The following SLC20A2 variants were observed in gnomAD, a reference collection of about 807,000 sequenced individuals.
SLC20A2 encodes sodium-dependent phosphate transporter 2.
SLC20A2 carries 30 observed loss-of-function variants against 61.0 expected under a neutral mutation model. The ratio of observed to expected loss-of-function variants is 0.49; its 90% CI spans 0.37 to 0.67. SLC20A2 has a LOEUF of 0.67. Ranked by LOEUF, SLC20A2 falls within the 30% of genes least tolerant of loss-of-function variation. SLC20A2 has a pLI of 0.00. For synonymous variants in SLC20A2, 351 were observed against 353.3 expected (o/e 0.99, Z 0.07); for missense variants, 626 against 866.4 (o/e 0.72, Z 3.48).
chr8:42,452,055 G>A (rs1490089736), intron 5 of SLC20A2, among the ~76,000 whole-genome samples: 4 of 120,478 alleles, frequency 3.3e-5, no homozygotes, highest in Admixed American at 7.9e-5. Flanking sequence ...GGGAGGAAGA[G>A]ATGAAGAGGA....
At chr8:42,435,637 G>A (rs181206158) in intron 8 of SLC20A2, among the ~76,000 whole-genome samples, 40 of 152,186 alleles carry the variant, frequency 2.6e-4, no homozygotes, top group African/African-American at 9.6e-4. Context: ...GGGCAGGTGG[G>A]GTGGGTGGGG....
At position 42,474,924 on chromosome 8, in the gene SLC20A2, G is replaced by A. The variant is rs575337623; in HGVS notation, c.-264-2270C>T. Among the ~76,000 whole-genome samples the A allele has an allele frequency of 4.0e-5, 6 of 151,164 alleles. No homozygotes were observed. The East Asian group carries it at 1.2e-3, about 30-fold the overall frequency. On this transcript the variant is annotated intron_variant, in intron 1 of 10. Transcript: ENST00000520262. ...GACGGCCAGAGTCACGCTGGGCCTG[G>A]TGTGGGGGGTGGGGGGGACACTCAT...
chr8:42,451,828 TGAG>T (rs377739020), intron 5 of SLC20A2, among the ~76,000 whole-genome samples: 14 of 70,916 alleles, frequency 2.0e-4, no homozygotes, highest in South Asian at 4.4e-4. Flanking sequence ...AAGGAAGAGA[TGAG>T]GAGGAGAAGG....
At chr8:42,436,674 T>C (rs1037526651) in intron 8 of SLC20A2, among the ~76,000 whole-genome samples, 1 of 152,194 alleles carries the variant, frequency 6.6e-6, no homozygotes, top group African/African-American at 2.4e-5. Flanking sequence ...GCCTCAAGAC[T>C]GCACCTGCCG....
At chr8:42,511,096 A>G (rs1041423036) in intron 1 of SLC20A2, among the ~76,000 whole-genome samples, 8 of 152,030 alleles carry the variant, frequency 5.3e-5, no homozygotes, top group African/African-American at 1.9e-4. Flanking sequence ...ATGACAGTGG[A>G]GAGCCGCCAG....
At chr8:42,419,558 T>A (rs927441256) in intron 10 of SLC20A2, 18 of 228,660 alleles carry the variant, frequency 7.9e-5, no homozygotes, top group African/African-American at 9.4e-5. Flanking sequence ...CAAAAAAAAA[T>A]AAAATAAAAA....
chr8:42,417,941 C>G lies in SLC20A2; in HGVS notation c.1821G>C (p.Trp607Cys), dbSNP rs1563430928. 6.2e-7 allele frequency: 1 copy of G among 1,613,096 alleles called. No individual in the cohort carries two copies. The highest frequency in any genetic ancestry group is 8.5e-7 in the Non-Finnish European group (1 of 1,179,670). ...AGTCCACAGCCTTGCGGGAGCGGATCCAGCCCACGGCCACCACCGAGCCCA... is the reference window on the plus strand; with the variant it reads ...AGTCCACAGCCTTGCGGGAGCGGATGCAGCCCACGGCCACCACCGAGCCCA... ...CKVGSVVAVG[W>C]IRSRKAVDWR... is the part of the protein sequence containing the mutation. The change falls in exon 11 of 11, where the codon TGG becomes TGC. Residue 607 changes from tryptophan (W) to cysteine (C), a missense_variant. Trp to Cys is a radical substitution (Grantham distance 215). Around this residue, in one of 3 missense-constraint regions of SLC20A2, gnomAD observed 138 missense variants for 228.7 expected, o/e 0.60. Coordinates refer to ENST00000520262, the MANE Select transcript of SLC20A2 (RefSeq NM_001257180.2).
intron 1 of SLC20A2, among the ~76,000 whole-genome samples, chr8:42,531,044 C>G (rs866543000): frequency 2.0e-5 from 3 of 152,144 alleles, no homozygotes; most frequent in Non-Finnish European, 4.4e-5. Flanking sequence ...AATCAGTTCT[C>G]CTGTAATAGC....
intron 10 of SLC20A2, among the ~76,000 whole-genome samples, chr8:42,426,623 A>G (rs1803431804): frequency 6.6e-6 from 1 of 152,182 alleles, no homozygotes; most frequent in South Asian, 2.1e-4. Context: ...TGAACTCAGG[A>G]GGCAGAGGCT....
Position 42,428,758 on chromosome 8 carries a change from C to T in SLC20A2, c.1794G>A (p.Lys598=), listed in dbSNP as rs1383069033. The change falls in exon 10 of 11, where the codon AAG becomes AAA. Residue 598 remains lysine (K), a splice_region_variant and synonymous_variant. Transcript: ENST00000520262. The stretch of plus-strand genomic sequence containing the variant: ...GGGCTCCCGGCTAGCAGGGGCCTAC[C>T]TTACAGTGCGTGGTGCTGACTGGAA... ...IGLPVSTTHC[K]VGSVVAVGWI... is the part of the protein sequence containing the mutation. 1 of 1,610,936 alleles carries T rather than the reference C, an allele frequency of 6.2e-7. No individual in the cohort carries two copies.
Position 42,472,210 on chromosome 8 carries a change from A to AC in SLC20A2, c.180dup (p.Leu61ValfsTer16). On this transcript the variant is annotated frameshift_variant, in exon 2 of 11. Transcript: ENST00000520262. LOFTEE classifies it high-confidence loss of function. This position sits in a 1 kb window ranked among gnomAD's most constrained non-coding sequence, Gnocchi z 4.1. ...GTTTCTCCTACTTTGGCGCCTAGTA[A>AC]CACGGAGCCGGTGGTTTCAAATATT... 6.2e-7 allele frequency: 1 copy of AC among 1,614,184 alleles called. No individual in the cohort carries two copies. Among genetic ancestry groups the AC allele is most frequent in the Non-Finnish European group, 8.5e-7 (1 of 1,180,052 alleles).
At chr8:42,490,767 C>T (rs551449689) in intron 1 of SLC20A2, among the ~76,000 whole-genome samples, 3 of 152,276 alleles carry the variant, frequency 2.0e-5, no homozygotes, top group Non-Finnish European at 2.9e-5. Context: ...TTGCCGGGCA[C>T]GCTGCCTTCC....
intron 1 of SLC20A2, among the ~76,000 whole-genome samples, chr8:42,498,255 G>C (rs1195480279): frequency 6.6e-6 from 1 of 152,138 alleles, no homozygotes; most frequent in African/African-American, 2.4e-5. Context: ...ACTGAGAGTG[G>C]GGGGCAAGGC....
chr8:42,434,922 G>A (rs1804137333), intron 8 of SLC20A2, among the ~76,000 whole-genome samples: 1 of 152,168 alleles, frequency 6.6e-6, no homozygotes, highest in African/African-American at 2.4e-5. Context: ...GAGTGTGTGT[G>A]CGTGTGTGTG....
chr8:42,525,970 T>C (rs961546011), intron 1 of SLC20A2, among the ~76,000 whole-genome samples: 6 of 152,156 alleles, frequency 3.9e-5, no homozygotes, highest in East Asian at 1.9e-4. Flanking sequence ...ATGGAGGAGA[T>C]AGATACAGCT....
chr8:42,488,901 C>T (rs1249932088), intron 1 of SLC20A2, among the ~76,000 whole-genome samples: 2 of 140,580 alleles, frequency 1.4e-5, no homozygotes, highest in Admixed American at 7.1e-5. Flanking sequence ...AAAATCAGGT[C>T]GTTTGCTTTT....
At chr8:42,525,575 C>CT (rs1178976265) in intron 1 of SLC20A2, among the ~76,000 whole-genome samples, 1 of 102,928 alleles carries the variant, frequency 9.7e-6, no homozygotes, top group African/African-American at 4.2e-5. Context: ...GAGCAAGACT[C>CT]TGTCTCAAAA....
Position 42,430,199 on chromosome 8 carries a change from C to T in SLC20A2, c.1574G>A (p.Gly525Glu), listed in dbSNP as rs1433144063. Reference sequence around the variant, plus strand: ...GGGTGTAGCTGCTTCTTGCGTTACCCCGCCTTGTTTGTAAATCAGCCACAA... The same window carrying T: ...GGGTGTAGCTGCTTCTTGCGTTACCTCGCCTTGTTTGTAAATCAGCCACAA... ...VALWLIYKQG[G>E]VTQEAATPVW... The change falls in exon 9 of 11, where the codon GGG (glycine) becomes GAG (glutamate). Residue 525 changes from glycine to glutamate, a missense_variant. Physicochemically the swap from Gly to Glu is moderately conservative, Grantham distance 98. Around this residue, in one of 3 missense-constraint regions of SLC20A2, gnomAD observed 138 missense variants for 228.7 expected, o/e 0.60. Coordinates refer to ENST00000520262, the MANE Select transcript of SLC20A2 (RefSeq NM_001257180.2). 1.2e-6 allele frequency: 2 copies of T among 1,613,936 alleles called. No individual in the cohort carries two copies. Among genetic ancestry groups the T allele is most frequent in the Non-Finnish European group, 1.7e-6 (2 of 1,179,944 alleles).
At chr8:42,441,387 C>G (rs1804770558) in intron 6 of SLC20A2, among the ~76,000 whole-genome samples, 1 of 150,786 alleles carries the variant, frequency 6.6e-6, no homozygotes, top group Admixed American at 6.6e-5. Flanking sequence ...ATCCTGACCT[C>G]ATGATCCGCC....
Sources: allele counts gnomAD v4.1 joint callset (sites outside exome capture counted in the v4.1 genomes callset), GRCh38; gene constraint gnomAD v4.1.1; regional missense constraint gnomAD v4.1.1; non-coding constraint Gnocchi (gnomAD v3.1); transcripts MANE v1.5; gene names NCBI Gene and HGNC (gene_info 2026-07-23, HGNC 2026-07-21).